Variants in ANAPC1 observed in about 807,000 individuals in gnomAD.
ANAPC1 encodes anaphase promoting complex subunit 1, also known as anaphase-promoting complex subunit 1.
A neutral mutation model predicts 208.0 loss-of-function variants in ANAPC1; 36 were observed. The observed-to-expected ratio is 0.17, with a 90% CI of 0.13 to 0.23. The LOEUF is 0.23. Ranked by LOEUF, ANAPC1 falls within the 10% of genes least tolerant of loss-of-function variation. ANAPC1 has a pLI of 1.00. For missense variants in ANAPC1, 942 were observed against 2,011.6 expected, an observed-to-expected ratio of 0.47 and a Z score of 10.17; for synonymous variants, 378 against 695.2, an observed-to-expected ratio of 0.54 and a Z score of 7.18.
Position 111,882,711 on chromosome 2 carries a change from T to C in ANAPC1, c.-25+1231A>G, listed in dbSNP as rs546685346. Among the ~76,000 whole-genome samples, 4 of 147,508 alleles carry C rather than the reference T, an allele frequency of 2.7e-5. No individual in the cohort carries two copies. The South Asian group carries it at 6.4e-4, about 24-fold the overall frequency. On this transcript the variant is annotated intron_variant, in intron 1 of 47. Transcript: ENST00000341068. ...GAGATCGCGCCATTGTACTCCAGCC[T>C]GGGGGACAAGAGCAAAACTCCGTCT...
intron 11 of ANAPC1, among the ~76,000 whole-genome samples, chr2:111,857,703 A>G (rs1313705660): frequency 6.6e-6 from 1 of 152,248 alleles, no homozygotes; most frequent in Non-Finnish European, 1.5e-5. Context: ...CTCAAGAAAA[A>G]TAAAATCACA....
intron 3 of ANAPC1, among the ~76,000 whole-genome samples, chr2:111,875,070 C>G (rs1016769723): frequency 6.6e-6 from 1 of 152,232 alleles, no homozygotes; most frequent in African/African-American, 2.4e-5. Flanking sequence ...GTTCCAATTT[C>G]TGGACATCCT....
At position 111,826,340 on chromosome 2, in the gene ANAPC1, T is replaced by C. The variant is rs558137201; in HGVS notation, c.2626-485A>G. ...CTTTCATCACACCAAAAAGTTCCCT[T>C]GTTCCTTTTGTAGTCAATCCTTTCC... On this transcript the variant is annotated intron_variant, in intron 21 of 47. Transcript: ENST00000341068. Among the ~76,000 whole-genome samples the C allele has an allele frequency of 7.9e-5, 12 of 152,346 alleles. No homozygotes were observed. The South Asian group carries it at 1.4e-3, about 18-fold the overall frequency.
intron 21 of ANAPC1, among the ~76,000 whole-genome samples, chr2:111,828,671 T>C (rs796628180): frequency 1.3e-5 from 2 of 152,336 alleles, no homozygotes; most frequent in African/African-American, 4.8e-5. Flanking sequence ...GAAAACATTA[T>C]GCTAAGTGAA....
At chr2:111,835,121 A>G (rs1357120098) in intron 18 of ANAPC1, among the ~76,000 whole-genome samples, 1 of 152,188 alleles carries the variant, frequency 6.6e-6, no homozygotes, top group Admixed American at 6.5e-5. Context: ...TAGGAAAGAC[A>G]TTGGGAGAAG....
chr2:111,858,273 T>C, intron 11 of ANAPC1, 33 bp downstream of exon 11: 1 of 1,544,606 alleles, frequency 6.5e-7, no homozygotes, highest in Non-Finnish European at 8.8e-7. Flanking sequence ...CTAAGTTATT[T>C]ATACAGAAAC....
intron 1 of ANAPC1, among the ~76,000 whole-genome samples, chr2:111,882,201 CAAA>C (rs757201250): frequency 1.0e-4 from 15 of 144,710 alleles, no homozygotes; most frequent in Admixed American, 7.6e-4. Context: ...AAACCAAAAG[CAAA>C]AAAAAAACCT....
chr2:111,815,463 C>G lies in ANAPC1; in HGVS notation c.3504G>C (p.Leu1168Phe). The change falls in exon 28 of 48, where the codon TTG (leucine) becomes TTC (phenylalanine). Residue 1168 changes from leucine to phenylalanine, a missense_variant. Leu to Phe is a conservative substitution (Grantham distance 22, BLOSUM62 0). Coordinates refer to ENST00000341068, the MANE Select transcript of ANAPC1 (RefSeq NM_022662.4). ...IVYNKPKHAELANEYAGFLMA... is the reference protein window; with the variant it reads ...IVYNKPKHAEFANEYAGFLMA... ...TGAGAAAGCCAGCATACTCATTGGC[C>G]AACTCAGCATGCTTGGGCTTATTGT... 1 of 231,584 alleles carries G rather than the reference C, an allele frequency of 4.3e-6. No homozygotes were observed. Among genetic ancestry groups the G allele is most frequent in the Non-Finnish European group, 7.7e-6 (1 of 129,812 alleles). The allele number at this position is 231,584 out of a possible 1,614,324, so 14.3% of individuals were successfully genotyped here. A position where few individuals can be genotyped will look rare whatever the true frequency, so the allele number is the denominator to read the frequency against.
Position 111,847,856 on chromosome 2 carries a change from A to T in ANAPC1, c.1660T>A (p.Leu554Met). 1 of 1,582,686 alleles carries T rather than the reference A, an allele frequency of 6.3e-7. No homozygotes were observed. Among genetic ancestry groups the T allele is most frequent in the Non-Finnish European group, 8.6e-7 (1 of 1,168,194 alleles). ...TCCCTCAGTTCTGGAACTGGGGACA[A>T]CAGAACAACCTGTAAAAAGTTGTAA... is the stretch of plus-strand genomic sequence containing the variant. ...LLGSLDEVVL[L>M]SPVPELRDSS... The change falls in exon 15 of 48, where the codon TTG (leucine) becomes ATG (methionine). Residue 554 changes from leucine (L) to methionine (M), a missense_variant. By Grantham distance (15) the Leu-to-Met change is conservative. Coordinates refer to ENST00000341068, the MANE Select transcript of ANAPC1 (RefSeq NM_022662.4).
At chr2:111,777,179 A>C in intron 45 of ANAPC1, 122 bp from the exon 46 acceptor site, 5 of 657,460 alleles carry the variant, frequency 7.6e-6, no homozygotes, top group South Asian at 1.9e-5. Context: ...GGGGTGGTCC[A>C]TTCTGTGTTT....
intron 13 of ANAPC1, among the ~76,000 whole-genome samples, chr2:111,856,028 G>T (rs1681695854): frequency 2.0e-5 from 3 of 152,184 alleles, no homozygotes; most frequent in Non-Finnish European, 4.4e-5. Flanking sequence ...GAGGTCAGGA[G>T]ATCGAGACCA....
chr2:111,862,475 A>T lies in ANAPC1; in HGVS notation c.1176T>A (p.Asn392Lys). 6.2e-7 allele frequency: 1 copy of T among 1,611,750 alleles called. No homozygotes were observed. Among genetic ancestry groups the T allele is most frequent in the South Asian group, 1.1e-5 (1 of 90,960 alleles). Residue 392 changes from asparagine (N) to lysine (K), a missense_variant, in exon 10 of 48, where the codon AAT (asparagine) becomes AAA (lysine). Coordinates refer to ENST00000341068, the MANE Select transcript of ANAPC1 (RefSeq NM_022662.4). ...SISHSPNSNSNGSFLAPETEP... is the reference protein window; with the variant it reads ...SISHSPNSNSKGSFLAPETEP... ...CCGTTTCTGGTGCAAGAAAGGAGCC[A>T]TTAGAATTACTATTTGGAGAATGAG...
chr2:111,832,305 G>GAAAAAAA (rs11431305), intron 20 of ANAPC1, among the ~76,000 whole-genome samples: 4 of 76,760 alleles, frequency 5.2e-5, no homozygotes, highest in African/African-American at 1.7e-4. Context: ...CCTGTCTCAA[G>GAAAAAAA]AAAAAAAAAA....
intron 34 of ANAPC1, among the ~76,000 whole-genome samples, chr2:111,797,629 C>T (rs1573347016): frequency 6.6e-6 from 1 of 152,146 alleles, no homozygotes; most frequent in African/African-American, 2.4e-5. Context: ...CAGATCAACT[C>T]ATACAACAAG....
chr2:111,845,297 A>G lies in ANAPC1; in HGVS notation c.1853-1698T>C, dbSNP rs112136616. Among the ~76,000 whole-genome samples the G allele has an allele frequency of 4.9e-3, 741 of 152,338 alleles. 5 individuals are homozygous for G. The highest frequency in any genetic ancestry group is 0.017 in the African/African-American group (701 of 41,578). On this transcript the variant is annotated intron_variant, in intron 16 of 47. Transcript: ENST00000341068. ...CAAACTGCAATGTTTGTGTACTCAC[A>G]TATCCTCTCTTCCAGGATTCTTTTT...
At chr2:111,859,925 C>T (rs1459366746) in intron 10 of ANAPC1, among the ~76,000 whole-genome samples, 2 of 152,206 alleles carry the variant, frequency 1.3e-5, no homozygotes, top group African/African-American at 2.4e-5. Context: ...TCTTAAAATA[C>T]AAAATGGACT....
intron 35 of ANAPC1, 147 bp downstream of exon 35, chr2:111,794,671 C>T (rs186076177): frequency 1.6e-4 from 189 of 1,193,842 alleles, no homozygotes; most frequent in Middle Eastern, 2.5e-4. Context: ...CTTTAACCAA[C>T]GTCATGAACA....
At chr2:111,881,492 G>C (rs1341759714) in intron 1 of ANAPC1, among the ~76,000 whole-genome samples, 1 of 152,112 alleles carries the variant, frequency 6.6e-6, no homozygotes, top group Non-Finnish European at 1.5e-5. Flanking sequence ...CCATGGAACA[G>C]TTATGCTTGC....
chr2:111,812,281 T>C lies in ANAPC1; in HGVS notation c.3597+3089A>G, dbSNP rs1389865330. Among the ~76,000 whole-genome samples the C allele has an allele frequency of 2.4e-5, 2 of 83,200 alleles. 1 individual carries two copies. Among genetic ancestry groups the C allele is most frequent in the Non-Finnish European group, 5.2e-5 (2 of 38,812 alleles). 54.6% of individuals were successfully genotyped at this position (83,200 alleles called of 152,430 possible). A position where few individuals can be genotyped will look rare whatever the true frequency, so the allele number is the denominator to read the frequency against. ...ACTTCTCAACTAGACTCTTAGAGCT[T>C]CAGAGAAGCAGGCAGCTTTACAGGT... On this transcript the variant is annotated intron_variant, in intron 28 of 47. Coordinates refer to ENST00000341068, the MANE Select transcript of ANAPC1 (RefSeq NM_022662.4).
Sources: gnomAD v4.1 joint callset for allele counts (sites outside exome capture counted in the v4.1 genomes callset) on GRCh38, gnomAD v4.1.1 for gene constraint, MANE v1.5 for transcripts, NCBI Gene and HGNC (gene_info 2026-07-23, HGNC 2026-07-21) for gene names.